Variants in PKN2 observed in about 807,000 individuals in gnomAD.
PKN2 encodes the protein protein kinase N2, also known as serine/threonine-protein kinase N2.
A neutral mutation model predicts 119.1 loss-of-function variants in PKN2; 38 were observed. The observed-to-expected ratio is 0.32, with a 90% CI of 0.25 to 0.42. The LOEUF (loss-of-function observed/expected upper bound fraction) is 0.42. Ranked by LOEUF, PKN2 falls within the 10% of genes least tolerant of loss-of-function variation. The pLI, the probability that PKN2 is intolerant of heterozygous loss-of-function variation, is 1.00. For missense variants in PKN2, 850 were observed against 1,165.1 expected, an observed-to-expected ratio of 0.73 and a Z score of 3.94; for synonymous variants, 390 against 384.9, an observed-to-expected ratio of 1.01 and a Z score of -0.15.
intron 15 of PKN2, among the ~76,000 whole-genome samples, chr1:88,811,453 C>T (rs555765411): frequency 2.0e-5 from 3 of 151,998 alleles, no homozygotes; most frequent in Non-Finnish European, 2.9e-5. Flanking sequence ...CTTAGAGAAA[C>T]GAGACATTAA....
At chr1:88,770,535 G>C (rs1669844891) in intron 4 of PKN2, 66 bp downstream of exon 4, 1 of 851,700 alleles carries the variant, frequency 1.2e-6, no homozygotes, top group East Asian at 2.4e-5. Context: ...TGCAGGAACA[G>C]GGCAGTGGTT....
In PKN2 at chr1:88,698,856, C is replaced by G. The variant is rs1348897037; in HGVS notation, c.48+14228C>G. Among the ~76,000 whole-genome samples the G allele has an allele frequency of 2.6e-5, 4 of 152,276 alleles. No homozygotes were observed. The East Asian group carries it at 7.7e-4, about 29-fold the overall frequency. ...AACTTCTGTTTTCCCTTCTTCATTTCCTAAATGTGTTAGTTACATTATTAT... is the reference window on the plus strand; with the variant it reads ...AACTTCTGTTTTCCCTTCTTCATTTGCTAAATGTGTTAGTTACATTATTAT... On this transcript the variant is annotated intron_variant, in intron 1 of 21. Coordinates refer to ENST00000370521, the MANE Select transcript of PKN2 (RefSeq NM_006256.4).
intron 1 of PKN2, among the ~76,000 whole-genome samples, chr1:88,698,341 C>T (rs1246676358): frequency 6.6e-6 from 1 of 152,094 alleles, no homozygotes; most frequent in Non-Finnish European, 1.5e-5. Flanking sequence ...CAAGGACCCC[C>T]CTGTACAATG....
In PKN2 at chr1:88,718,008, T is replaced by C. The variant is rs1273075778; in HGVS notation, c.49-22980T>C. On this transcript the variant is annotated intron_variant, in intron 1 of 21. Coordinates refer to ENST00000370521, the MANE Select transcript of PKN2 (RefSeq NM_006256.4). ...TGGATGTCCTTTTTGTTGATGTTGA[T>C]GCTGTTCCTTTCTGTTTGTTAGTTT... 2.0e-5 allele frequency among the ~76,000 whole-genome samples: 3 copies of C among 152,348 alleles called. No individual in the cohort carries two copies. In the East Asian group the frequency reaches 5.8e-4, roughly 29 times the overall value.
chr1:88,795,009 A>G (rs1300797049), intron 8 of PKN2, among the ~76,000 whole-genome samples: 2 of 152,182 alleles, frequency 1.3e-5, no homozygotes, highest in Admixed American at 1.3e-4. Context: ...TTAGTTTTCA[A>G]TCTTAGCTAG....
At chr1:88,763,607 C>CAA (rs34763457) in intron 3 of PKN2, among the ~76,000 whole-genome samples, 1,355 of 103,252 alleles carry the variant, frequency 0.013, 23 homozygotes, top group African/African-American at 0.032. Flanking sequence ...AACTCCATCT[C>CAA]AAAAAAAAAA....
chr1:88,695,726 G>C (rs1439285387), intron 1 of PKN2, among the ~76,000 whole-genome samples: 1 of 151,976 alleles, frequency 6.6e-6, no homozygotes, highest in Non-Finnish European at 1.5e-5. Flanking sequence ...GCTTCTTCTT[G>C]GTAAGGTTAT....
chr1:88,705,038 G>A (rs1380884869), intron 1 of PKN2, among the ~76,000 whole-genome samples: 1 of 151,688 alleles, frequency 6.6e-6, no homozygotes, highest in Non-Finnish European at 1.5e-5. Context: ...CTTATTGAAT[G>A]TTGAGAGTCT....
intron 3 of PKN2, among the ~76,000 whole-genome samples, chr1:88,768,793 G>A (rs1669767077): frequency 1.3e-5 from 2 of 152,194 alleles, no homozygotes; most frequent in African/African-American, 4.8e-5. Context: ...ATCTGAGGCT[G>A]AGTAATTTAT....
chr1:88,751,104 T>G, intron 2 of PKN2, among the ~76,000 whole-genome samples: 1 of 152,186 alleles, frequency 6.6e-6, no homozygotes, highest in East Asian at 1.9e-4. Context: ...CAACTTTTTC[T>G]GCTACTAATC....
At chr1:88,825,192 A>G (rs1262320453) in intron 18 of PKN2, among the ~76,000 whole-genome samples, 1 of 152,138 alleles carries the variant, frequency 6.6e-6, no homozygotes, top group African/African-American at 2.4e-5. Flanking sequence ...ATACCCACTG[A>G]CCTAATTGCT....
In PKN2 at chr1:88,722,998, A is replaced by G. The variant is rs147293103; in HGVS notation, c.49-17990A>G. 3.8e-3 allele frequency among the ~76,000 whole-genome samples: 584 copies of G among 152,286 alleles called. 5 individuals are homozygous for G. The highest frequency in any genetic ancestry group is 0.014 in the African/African-American group (564 of 41,572). Reference sequence around the variant, plus strand: ...CACCTGGCAGGAGCATCTAACCAATATAGGTGAGATCAAGGATCGCTTTCC... The same window carrying G: ...CACCTGGCAGGAGCATCTAACCAATGTAGGTGAGATCAAGGATCGCTTTCC... On this transcript the variant is annotated intron_variant, in intron 1 of 21. Coordinates refer to ENST00000370521, the MANE Select transcript of PKN2 (RefSeq NM_006256.4).
intron 8 of PKN2, among the ~76,000 whole-genome samples, chr1:88,791,207 G>A (rs2100841757): frequency 6.6e-6 from 1 of 152,298 alleles, no homozygotes; most frequent in Admixed American, 6.5e-5. Flanking sequence ...GCAGGCCGAA[G>A]TGGGCAGATC....
chr1:88,694,119 ATATTGACACATCATCATCATC>A (rs1349012413), intron 1 of PKN2, among the ~76,000 whole-genome samples: 10 of 152,226 alleles, frequency 6.6e-5, no homozygotes, highest in African/African-American at 2.4e-4. Flanking sequence ...TGATGAACCT[ATATTGACACATCATCATCATC>A]CAGAGCCCAG....
At chr1:88,781,504 C>T (rs1361605524) in intron 6 of PKN2, among the ~76,000 whole-genome samples, 2 of 152,004 alleles carry the variant, frequency 1.3e-5, no homozygotes, top group African/African-American at 2.4e-5. Context: ...GTTATTACTT[C>T]TGAATACCAA....
intron 18 of PKN2, 50 bp from the exon 19 acceptor site, chr1:88,828,431 G>T (rs1483909247): frequency 8.9e-6 from 13 of 1,468,780 alleles, no homozygotes; most frequent in Middle Eastern, 1.8e-4. Context: ...TTTTTTTTAT[G>T]CTAGATTTGT....
chr1:88,807,248 A>G (rs1671583063), intron 12 of PKN2, 65 bp from the exon 13 acceptor site: 2 of 1,047,292 alleles, frequency 1.9e-6, no homozygotes, highest in Non-Finnish European at 2.7e-6. Context: ...CCTTAATTTT[A>G]TCATTATCAA....
intron 1 of PKN2, among the ~76,000 whole-genome samples, chr1:88,733,759 A>AT (rs979705716): frequency 4.6e-5 from 7 of 152,108 alleles, no homozygotes; most frequent in Non-Finnish European, 7.4e-5. Flanking sequence ...TGGATTTGGG[A>AT]TTTTTTCAGG....
rs1372865117 is a variant in PKN2 at position 88,786,244 on chromosome 1, A to C, written c.1281+31A>C. ...AGGACTAACATTTTACTTGAATTTT[A>C]ATTATAATTCATTTTAAATGTGAGT... On this transcript the variant is annotated intron_variant, in intron 8 of 21. Coordinates refer to ENST00000370521, the MANE Select transcript of PKN2 (RefSeq NM_006256.4). The C allele has an allele frequency of 2.8e-6, 3 of 1,078,504 alleles. No individual in the cohort carries two copies. The Admixed American group carries it at 5.9e-5, about 21-fold the overall frequency. 66.8% of individuals were successfully genotyped at this position (1,078,504 alleles called of 1,614,324 possible).
Sources: gnomAD v4.1 joint callset for allele counts (sites outside exome capture counted in the v4.1 genomes callset) on GRCh38, gnomAD v4.1.1 for gene constraint, MANE v1.5 for transcripts, NCBI Gene and HGNC (gene_info 2026-07-23, HGNC 2026-07-21) for gene names.